CENPP: variants seen among roughly 807,000 people sequenced by gnomAD.
CENPP encodes centromere protein P.
CENPP carries 24 observed loss-of-function variants against 35.6 expected under a neutral mutation model. That is an observed-to-expected ratio of 0.67 (90% CI 0.49 to 0.95). The LOEUF (loss-of-function observed/expected upper bound fraction) is 0.95, where lower values mean the gene tolerates loss of function less well. CENPP is among the 40% of genes least tolerant of loss of function. CENPP has a pLI of 0.00. For missense variants in CENPP, 332 were observed against 345.3 expected, an observed-to-expected ratio of 0.96 and a Z score of 0.31; for synonymous variants, 120 against 125.5, an observed-to-expected ratio of 0.96 and a Z score of 0.29.
chr9:92,569,019 T>C (rs558871020), intron 5 of CENPP, among the ~76,000 whole-genome samples: 7 of 152,242 alleles, frequency 4.6e-5, no homozygotes, highest in East Asian at 1.9e-4. Context: ...AATTTTCTCC[T>C]ATTCTGTAGG....
At position 92,552,190 on chromosome 9, in the gene CENPP, T is replaced by TACACACACAC. The variant is rs59704602; in HGVS notation, c.565-59107_565-59098dup. On this transcript the variant is annotated intron_variant, in intron 5 of 7. Transcript: ENST00000375587. ...TATGTGATATGATAGATCTATCATATACACACACACACACACACACACACA... is the reference window on the plus strand; with the variant it reads ...TATGTGATATGATAGATCTATCATATACACACACACACACACACACACACACACACACACA... Among the ~76,000 whole-genome samples the TACACACACAC allele has an allele frequency of 8.7e-4, 93 of 106,304 alleles. 2 individuals carry two copies. The highest frequency in any genetic ancestry group is 5.3e-3 in the Middle Eastern group (1 of 190). The allele number at this position is 106,304 out of a possible 152,430, so 69.7% of individuals were successfully genotyped here. A position where few individuals can be genotyped will look rare whatever the true frequency, so the allele number is the denominator to read the frequency against.
At chr9:92,404,721 C>T (rs749271546) in intron 5 of CENPP, 1 of 1,122,072 alleles carries the variant, frequency 8.9e-7, no homozygotes, top group East Asian at 9.1e-5. Flanking sequence ...GAGAACTGTG[C>T]TTAAGTTATT....
Position 92,448,978 on chromosome 9 carries a change from T to C in CENPP, c.564+69119T>C, listed in dbSNP as rs150304023. On this transcript the variant is annotated intron_variant, in intron 5 of 7. Coordinates refer to ENST00000375587, the MANE Select transcript of CENPP (RefSeq NM_001012267.3). ...TGGAGGGTAGGTTAGTCAGATCTTTTTTACTGTCATAATATTCTCATTGAT... is the reference window on the plus strand; with the variant it reads ...TGGAGGGTAGGTTAGTCAGATCTTTCTTACTGTCATAATATTCTCATTGAT... Among the ~76,000 whole-genome samples the C allele has an allele frequency of 1.0e-3, 157 of 152,310 alleles. 1 individual carries two copies. The highest frequency in any genetic ancestry group is 3.5e-3 in the African/African-American group (146 of 41,572).
At chr9:92,552,429 C>T (rs1849636342) in intron 5 of CENPP, among the ~76,000 whole-genome samples, 1 of 152,176 alleles carries the variant, frequency 6.6e-6, no homozygotes, top group African/African-American at 2.4e-5. Context: ...CACTGTTTCC[C>T]ATAGTGGCTG....
rs572040265 is a variant in CENPP at position 92,605,937 on chromosome 9, A to G, written c.565-5377A>G. Among the ~76,000 whole-genome samples, 4 of 152,324 alleles carry G rather than the reference A, an allele frequency of 2.6e-5. No homozygotes were observed. In the South Asian group the frequency reaches 6.2e-4, roughly 24 times the overall value. ...CTAGAATATATAAAGAGCTATTACAATTCAATAACTAAAAGATAACCCAAT... is the reference window on the plus strand; with the variant it reads ...CTAGAATATATAAAGAGCTATTACAGTTCAATAACTAAAAGATAACCCAAT... On this transcript the variant is annotated intron_variant, in intron 5 of 7. Transcript: ENST00000375587.
At chr9:92,533,126 G>A (rs1056309135) in intron 5 of CENPP, among the ~76,000 whole-genome samples, 9 of 150,002 alleles carry the variant, frequency 6.0e-5, no homozygotes, top group African/African-American at 9.8e-5. Context: ...GTGAAACCCC[G>A]TCTCTATTAA....
chr9:92,349,356 G>A (rs969389543), intron 4 of CENPP, among the ~76,000 whole-genome samples: 5 of 150,506 alleles, frequency 3.3e-5, no homozygotes, highest in Admixed American at 2.6e-4. Flanking sequence ...AAGGATATCT[G>A]GGTTATTTTC....
chr9:92,573,652 C>T (rs1564007892), intron 5 of CENPP, among the ~76,000 whole-genome samples: 1 of 152,322 alleles, frequency 6.6e-6, no homozygotes, highest in East Asian at 1.9e-4. Context: ...TTTAAGTCTG[C>T]AGAAGCTTCT....
chr9:92,459,520 T>C, intron 5 of CENPP: 2 of 1,020,094 alleles, frequency 2.0e-6, no homozygotes, highest in Non-Finnish European at 1.4e-6. Context: ...AGAGTCATTA[T>C]GTTTGAATCA....
chr9:92,327,443 A>G (rs1436804830), intron 1 of CENPP, among the ~76,000 whole-genome samples: 1 of 152,208 alleles, frequency 6.6e-6, no homozygotes, highest in African/African-American at 2.4e-5. Flanking sequence ...AGGTATACAT[A>G]TTCAACAGGT....
chr9:92,566,367 AAAAT>A (rs528145092), intron 5 of CENPP, among the ~76,000 whole-genome samples: 22 of 152,222 alleles, frequency 1.4e-4, no homozygotes, highest in Middle Eastern at 3.4e-3. Context: ...TCAAAGGAAA[AAAAT>A]AAATAAACAG....
At chr9:92,373,729 G>A (rs1317914645) in intron 4 of CENPP, among the ~76,000 whole-genome samples, 1 of 152,096 alleles carries the variant, frequency 6.6e-6, no homozygotes, top group Non-Finnish European at 1.5e-5. Context: ...GGGAGGCTGA[G>A]GCAAGAGAAT....
chr9:92,539,710 T>C (rs960352485), intron 5 of CENPP, among the ~76,000 whole-genome samples: 1 of 152,182 alleles, frequency 6.6e-6, no homozygotes, highest in Non-Finnish European at 1.5e-5. Flanking sequence ...TCTTGGCCCA[T>C]AGTTCAAATG....
intron 4 of CENPP, among the ~76,000 whole-genome samples, chr9:92,372,041 T>TAA (rs1167832452): frequency 9.2e-4 from 48 of 52,234 alleles, no homozygotes; most frequent in African/African-American, 2.9e-3. Flanking sequence ...AGACTCCATC[T>TAA]AAAAAAAAAA....
At chr9:92,514,849 C>CCCT (rs754026851) in intron 5 of CENPP, 13 of 1,611,610 alleles carry the variant, frequency 8.1e-6, no homozygotes, top group East Asian at 2.2e-5. Context: ...ACCCTCCTCA[C>CCCT]CCTCCTCCTC....
Position 92,379,743 on chromosome 9 carries a change from A to G in CENPP, c.468-20A>G. On this transcript the variant is annotated intron_variant, in intron 4 of 7. Coordinates refer to ENST00000375587, the MANE Select transcript of CENPP (RefSeq NM_001012267.3). ...TCATTTAATGATATTTATTAATCAG[A>G]GAATCATTTATTCCTACAGAGCAGA... 1 of 1,514,320 alleles carries G rather than the reference A, an allele frequency of 6.6e-7. No homozygotes were observed. The highest frequency in any genetic ancestry group is 9.2e-7 in the Non-Finnish European group (1 of 1,092,188). The allele number at this position is 1,514,320 out of a possible 1,614,324, so 93.8% of individuals were successfully genotyped here. A position where few individuals can be genotyped will look rare whatever the true frequency, so the allele number is the denominator to read the frequency against.
intron 5 of CENPP, among the ~76,000 whole-genome samples, chr9:92,481,126 T>C (rs757762913): frequency 7.9e-5 from 12 of 152,212 alleles, no homozygotes; most frequent in Admixed American, 5.2e-4. Context: ...TTTTATGATG[T>C]TTCCCACAGT....
At chr9:92,506,490 C>T (rs1235309646) in intron 5 of CENPP, among the ~76,000 whole-genome samples, 1 of 152,186 alleles carries the variant, frequency 6.6e-6, no homozygotes, top group Admixed American at 6.5e-5. Flanking sequence ...TACCCAAAGG[C>T]ATCTGAGTCA....
intron 5 of CENPP, among the ~76,000 whole-genome samples, chr9:92,546,680 T>G (rs1477227831): frequency 6.6e-6 from 1 of 152,098 alleles, no homozygotes; most frequent in Non-Finnish European, 1.5e-5. Flanking sequence ...ACCGTGAGGG[T>G]CCGCGGCTTC....
Sources: gnomAD v4.1 joint callset for allele counts (sites outside exome capture counted in the v4.1 genomes callset) on GRCh38, gnomAD v4.1.1 for gene constraint, MANE v1.5 for transcripts, NCBI Gene and HGNC (gene_info 2026-07-23, HGNC 2026-07-21) for gene names.